GCM2: variants seen among roughly 807,000 people sequenced by gnomAD.
GCM2 encodes chorion-specific transcription factor GCMb.
A neutral mutation model predicts 24.8 loss-of-function variants in GCM2; 21 were observed. That is an observed-to-expected ratio of 0.85 (90% CI 0.60 to 1.22). GCM2 has a LOEUF of 1.22. GCM2 is among the 50% of genes most tolerant of loss of function. The pLI is 0.00. For missense variants in GCM2, 532 were observed against 645.6 expected (o/e 0.82, Z 1.91); for synonymous variants, 222 against 238.0 (o/e 0.93, Z 0.62).
Position 10,877,271 on chromosome 6 carries a change from T to A in GCM2, c.212A>T (p.Asn71Ile). The change falls in exon 2 of 5, where the codon AAC (asparagine) becomes ATC (isoleucine). Residue 71 changes from asparagine to isoleucine, a missense_variant. Asn to Ile is a moderately radical substitution (Grantham distance 149). Around this residue, in one of 3 missense-constraint regions of GCM2, gnomAD observed 96 missense variants for 103.5 expected, o/e 0.93. Transcript: ENST00000379491. ...LSGWAMRNTN[N>I]HNGHILKKSC... ...CTTCTTGAGGATGTGGCCATTGTGG[T>A]TGTTGGTGTTGCGCATGGCCCAGCC... is the stretch of plus-strand genomic sequence containing the variant. The A allele has an allele frequency of 1.2e-6, 2 of 1,614,132 alleles. No homozygotes were observed. Among genetic ancestry groups the A allele is most frequent in the Non-Finnish European group, 1.7e-6 (2 of 1,180,022 alleles).
chr6:10,873,796 C>T lies in GCM2; in HGVS notation c.*199G>A. 1 of 635,172 alleles carries T rather than the reference C, an allele frequency of 1.6e-6. No individual in the cohort carries two copies. The highest frequency in any genetic ancestry group is 2.8e-6 in the Non-Finnish European group (1 of 351,920). The allele number at this position is 635,172 out of a possible 1,614,324, so 39.3% of individuals were successfully genotyped here. ...TACTTCTATGTATTGTAGCCAGTTT[C>T]AAAATGCTGTGTGAAATTTCCCATA... On this transcript the variant is annotated 3_prime_UTR_variant, in exon 5 of 5. Coordinates refer to ENST00000379491, the MANE Select transcript of GCM2 (RefSeq NM_004752.4).
Position 10,881,841 on chromosome 6 carries a change from G to GA in GCM2, c.-49dup, listed in dbSNP as rs1388837059. 2.7e-6 allele frequency: 4 copies of GA among 1,497,808 alleles called. No individual in the cohort carries two copies. Among genetic ancestry groups the GA allele is most frequent in the Non-Finnish European group, 3.7e-6 (4 of 1,086,962 alleles). The allele number at this position is 1,497,808 out of a possible 1,614,324, so 92.8% of individuals were successfully genotyped here. A position where few individuals can be genotyped will look rare whatever the true frequency, so the allele number is the denominator to read the frequency against. On this transcript the variant is annotated 5_prime_UTR_variant, in exon 1 of 5. Transcript: ENST00000379491. ...CCGCCCAGGGTTCTGAAAAATAGAA[G>GA]AAAAAAGGACAGGTGCGCCAGGTGG...
At chr6:10,880,914 T>C (rs540144771) in intron 1 of GCM2, among the ~76,000 whole-genome samples, 1 of 152,236 alleles carries the variant, frequency 6.6e-6, no homozygotes. Context: ...TCAGTTTTGC[T>C]GCATGAGAAG....
chr6:10,880,090 T>C (rs1779937390), intron 1 of GCM2, among the ~76,000 whole-genome samples: 1 of 152,100 alleles, frequency 6.6e-6, no homozygotes, highest in Non-Finnish European at 1.5e-5. Flanking sequence ...ACCCAATCTC[T>C]ACTAAAAATA....
At chr6:10,879,137 T>C (rs1779922798) in intron 1 of GCM2, among the ~76,000 whole-genome samples, 1 of 152,216 alleles carries the variant, frequency 6.6e-6, no homozygotes, top group Non-Finnish European at 1.5e-5. Flanking sequence ...TCTGAAATAT[T>C]ACAATTGACA....
At chr6:10,881,676 C>A in intron 1 of GCM2, 28 bp downstream of exon 1, 1 of 1,559,214 alleles carries the variant, frequency 6.4e-7, no homozygotes, top group Non-Finnish European at 8.8e-7. Context: ...CAGCGCCCCG[C>A]GTGCCCGCAC....
chr6:10,881,282 C>T (rs1352740149), intron 1 of GCM2, among the ~76,000 whole-genome samples: 2 of 152,138 alleles, frequency 1.3e-5, no homozygotes, highest in African/African-American at 4.8e-5. Flanking sequence ...CCTCAGCCTC[C>T]CGAGTAGCTG....
chr6:10,874,871 T>A lies in GCM2; in HGVS notation c.645A>T (p.Glu215Asp), dbSNP rs868589341. The A allele has an allele frequency of 6.2e-7, 1 of 1,614,114 alleles. No homozygotes were observed. Among genetic ancestry groups the A allele is most frequent in the African/African-American group, 1.3e-5 (1 of 75,050 alleles). Reference sequence around the variant, plus strand: ...TGGTTTCAGTAACTATATCAAAGTCTTCTGGATTTTCCAAGGGAGGTATGT... The same window carrying A: ...TGGTTTCAGTAACTATATCAAAGTCATCTGGATTTTCCAAGGGAGGTATGT... Reference protein sequence around the residue: ...FSNIPPLENPEDFDIVTETSF... With the variant: ...FSNIPPLENPDDFDIVTETSF... The change falls in exon 5 of 5, where the codon GAA becomes GAT. Residue 215 changes from glutamate to aspartate, a missense_variant. Glu to Asp is a conservative substitution (Grantham distance 45). Coordinates refer to ENST00000379491, the MANE Select transcript of GCM2 (RefSeq NM_004752.4).
chr6:10,878,897 G>C (rs1413869211), intron 1 of GCM2, among the ~76,000 whole-genome samples: 1 of 152,152 alleles, frequency 6.6e-6, no homozygotes, highest in Non-Finnish European at 1.5e-5. Context: ...GCTCAGAAGA[G>C]TGTATAATAG....
chr6:10,876,654 G>T, intron 2 of GCM2, 97 bp from the exon 3 acceptor site: 1 of 862,674 alleles, frequency 1.2e-6, no homozygotes, highest in Non-Finnish European at 1.9e-6. Flanking sequence ...TCATGCTCGG[G>T]CGCGGTGGCT....
chr6:10,881,201 C>A lies in GCM2; in HGVS notation c.90+503G>T, dbSNP rs375551011. ...GAGATGGAGTTTTGCTCTTGTTGCC[C>A]AGGCTGGAGTTCAATGGCGTGATCT... is the stretch of plus-strand genomic sequence containing the variant. On this transcript the variant is annotated intron_variant, in intron 1 of 4. Transcript: ENST00000379491. Among the ~76,000 whole-genome samples the A allele has an allele frequency of 3.3e-5, 5 of 151,978 alleles. No homozygotes were observed. The East Asian group carries it at 9.6e-4, about 29-fold the overall frequency.
At chr6:10,875,350 CT>C (rs1779862644) in intron 4 of GCM2, among the ~76,000 whole-genome samples, 1 of 152,192 alleles carries the variant, frequency 6.6e-6, no homozygotes, top group South Asian at 2.1e-4. Context: ...TAACAGTAAC[CT>C]CATTATAAGG....
chr6:10,878,794 G>A (rs1372702349), intron 1 of GCM2, among the ~76,000 whole-genome samples: 1 of 152,150 alleles, frequency 6.6e-6, no homozygotes, highest in Non-Finnish European at 1.5e-5. Flanking sequence ...AGGAAGTGGA[G>A]GTTCAATAGA....
intron 2 of GCM2, 52 bp downstream of exon 2, chr6:10,877,088 A>G (rs903475005): frequency 3.1e-6 from 5 of 1,598,882 alleles, no homozygotes; most frequent in South Asian, 2.2e-5. Flanking sequence ...AACAACAACA[A>G]CAAAAAACTC....
Position 10,877,348 on chromosome 6 carries a change from A to G in GCM2, c.135T>C (p.Tyr45=), listed in dbSNP as rs373330526. The change falls in exon 2 of 5, where the codon TAT becomes TAC. Residue 45 remains tyrosine, a synonymous_variant. Transcript: ENST00000379491. ...CATCGCTGCTGTAGATGAAGCGCAC[A>G]TAGCCGTCAGGCCACTCTCGGAATT... ...FDQFREWPDG[Y]VRFIYSSDEK... The G allele has an allele frequency of 3.6e-5, 58 of 1,614,086 alleles. No homozygotes were observed. The highest frequency in any genetic ancestry group is 1.8e-4 in the South Asian group (16 of 91,088).
rs74886429 is a variant in GCM2 at position 10,878,113 on chromosome 6, G to A, written c.91-721C>T. 6.3e-3 allele frequency among the ~76,000 whole-genome samples: 957 copies of A among 152,194 alleles called. 21 individuals are homozygous for A. In the East Asian group the frequency reaches 0.072, roughly 11 times the overall value. On this transcript the variant is annotated intron_variant, in intron 1 of 4. Transcript: ENST00000379491. ...GGGTGTGGGTGAGCTTGTCTGGCAC[G>A]GGACTGCTCCCCAGAGCAATATGGG...
intron 1 of GCM2, among the ~76,000 whole-genome samples, 186 bp downstream of exon 1, chr6:10,881,518 T>G (rs1022822143): frequency 6.6e-6 from 1 of 151,288 alleles, no homozygotes; most frequent in African/African-American, 2.4e-5. Context: ...CTTTCTACAC[T>G]TGAGAGGGCC....
Position 10,876,847 on chromosome 6 carries a change from T to C in GCM2, c.344-290A>G, listed in dbSNP as rs10456046. On this transcript the variant is annotated intron_variant, in intron 2 of 4. Coordinates refer to ENST00000379491, the MANE Select transcript of GCM2 (RefSeq NM_004752.4). ...GGGAGGCCGAGACAGGCAGATCACCTGATGTCGGGAGTTCAAGACCAGCCT... is the reference window on the plus strand; with the variant it reads ...GGGAGGCCGAGACAGGCAGATCACCCGATGTCGGGAGTTCAAGACCAGCCT... Among the ~76,000 whole-genome samples the C allele has an allele frequency of 0.11, 16,815 of 152,166 alleles. 1,075 individuals are homozygous for C. The highest frequency in any genetic ancestry group is 0.14 in the Non-Finnish European group (9,664 of 67,978).
rs1334277726 is a variant in GCM2, at chr6:10,874,692, T to C, written c.824A>G (p.Tyr275Cys). 2 of 1,614,116 alleles carry C rather than the reference T, an allele frequency of 1.2e-6. No individual in the cohort carries two copies. Among genetic ancestry groups the C allele is most frequent in the Non-Finnish European group, 1.7e-6 (2 of 1,179,974 alleles). The change falls in exon 5 of 5, where the codon TAT becomes TGT. Residue 275 changes from tyrosine to cysteine, a missense_variant. By Grantham distance (194) the Tyr-to-Cys change is radical. This residue lies in a region of GCM2 where 434 missense variants were observed against 521.9 expected (regional missense o/e 0.83). Transcript: ENST00000379491. ...TGTATAACCAGGGTTTGCCAATTCA[T>C]AGCTGCAAGGTGGCCTAGGCAAATA... The part of the protein sequence containing the change: ...RIYLPRPPCS[Y>C]ELANPGYTNS...
Sources: allele counts gnomAD v4.1 joint callset (sites outside exome capture counted in the v4.1 genomes callset), GRCh38; gene constraint gnomAD v4.1.1; regional missense constraint gnomAD v4.1.1; transcripts MANE v1.5; gene names NCBI Gene and HGNC (gene_info 2026-07-23, HGNC 2026-07-21).